MAGI1: variants seen among roughly 807,000 people sequenced by gnomAD.
MAGI1 encodes the protein membrane associated guanylate kinase, WW and PDZ domain containing 1, also known as membrane-associated guanylate kinase, WW and PDZ domain-containing protein 1.
In MAGI1, 58 loss-of-function variants were observed where a neutral mutation model predicts 139.9. The ratio of observed to expected loss-of-function variants is 0.41; its 90% CI spans 0.34 to 0.52. The LOEUF is 0.52. Among genes scored for constraint, MAGI1 ranks in the 20% least tolerant of loss-of-function variants. The probability of loss-of-function intolerance (pLI) is 0.12; values close to 1 mark genes in which losing one functional copy is unlikely to be tolerated. For missense variants in MAGI1, 1,874 were observed against 1,901.6 expected, an observed-to-expected ratio of 0.99 and a Z score of 0.27; for synonymous variants, 812 against 737.9, an observed-to-expected ratio of 1.10 and a Z score of -1.63.
At chr3:65,569,780 T>C (rs1264659495) in intron 2 of MAGI1, among the ~76,000 whole-genome samples, 2 of 151,594 alleles carry the variant, frequency 1.3e-5, no homozygotes, top group East Asian at 1.9e-4. Context: ...GGGGGGCTGA[T>C]GGGAAGATCT....
chr3:65,534,490 T>C (rs1036266714), intron 2 of MAGI1, among the ~76,000 whole-genome samples: 3 of 151,710 alleles, frequency 2.0e-5, no homozygotes, highest in African/African-American at 7.3e-5. Flanking sequence ...ACCCTGTCTC[T>C]AAAAAAGAAA....
chr3:65,366,596 A>C (rs1272279978), intron 18 of MAGI1, among the ~76,000 whole-genome samples: 2 of 152,170 alleles, frequency 1.3e-5, no homozygotes, highest in Non-Finnish European at 2.9e-5. Context: ...GTCTTATCTG[A>C]CTTTGCATTC....
chr3:65,978,043 C>T (rs765338545), intron 1 of MAGI1, among the ~76,000 whole-genome samples: 111 of 152,168 alleles, frequency 7.3e-4, no homozygotes, highest in Non-Finnish European at 1.3e-3. Context: ...TATTTTTTTC[C>T]GCATTTATTC....
chr3:65,991,292 AAAAAAAAAAAAAGGT>A (rs1373196947), intron 1 of MAGI1, among the ~76,000 whole-genome samples: 30 of 129,714 alleles, frequency 2.3e-4, no homozygotes, highest in South Asian at 1.1e-3. Context: ...TCTGTCTAAA[AAAAAAAAAAAAAGGT>A]AAAAAAAAAA....
intron 1 of MAGI1, among the ~76,000 whole-genome samples, chr3:65,701,366 T>C (rs1207684613): frequency 6.6e-6 from 1 of 152,080 alleles, no homozygotes; most frequent in Non-Finnish European, 1.5e-5. Context: ...GATTCTCCTG[T>C]TTCAGCCTCC....
At chr3:66,008,956 G>A (rs981701113) in intron 1 of MAGI1, 1 of 152,284 alleles carries the variant, frequency 6.6e-6, no homozygotes, top group Admixed American at 6.5e-5. Flanking sequence ...GAATTTTACT[G>A]AGGAAGCAGG....
At chr3:65,969,654 C>A (rs1217565868) in intron 1 of MAGI1, among the ~76,000 whole-genome samples, 1 of 152,142 alleles carries the variant, frequency 6.6e-6, no homozygotes, top group East Asian at 1.9e-4. Context: ...TGCTCTTTAC[C>A]ACTGCTATAG....
intron 1 of MAGI1, among the ~76,000 whole-genome samples, chr3:65,978,819 G>T (rs919676454): frequency 4.0e-5 from 6 of 151,842 alleles, no homozygotes; most frequent in Non-Finnish European, 8.8e-5. Flanking sequence ...TACAGACGGG[G>T]TCTCATCATG....
chr3:65,919,677 CCTTCTCTCTCT>C (rs2062078611), intron 1 of MAGI1, among the ~76,000 whole-genome samples: 1 of 84,660 alleles, frequency 1.2e-5, no homozygotes, highest in South Asian at 6.2e-4. Flanking sequence ...CATTCTCTCT[CCTTCTCTCTCT>C]CTCTCTCTCT....
intron 1 of MAGI1, among the ~76,000 whole-genome samples, chr3:65,645,344 A>C (rs1049545420): frequency 1.3e-5 from 2 of 152,140 alleles, no homozygotes; most frequent in Admixed American, 6.6e-5. Flanking sequence ...AGTGACAGTA[A>C]ATTTTTCATC....
At chr3:65,463,163 G>A (rs1435362666) in intron 5 of MAGI1, among the ~76,000 whole-genome samples, 1 of 151,960 alleles carries the variant, frequency 6.6e-6, no homozygotes, top group African/African-American at 2.4e-5. Flanking sequence ...GTAAGAGAGG[G>A]TATCCTTGTC....
At chr3:66,025,768 G>T (rs1410542206) in intron 1 of MAGI1, among the ~76,000 whole-genome samples, 7 of 151,974 alleles carry the variant, frequency 4.6e-5, no homozygotes, top group African/African-American at 1.7e-4. Context: ...TATTTCTCTG[G>T]GGTGGGATTA....
chr3:66,020,982 C>T (rs2067929824), intron 1 of MAGI1, among the ~76,000 whole-genome samples: 1 of 152,186 alleles, frequency 6.6e-6, no homozygotes, highest in Non-Finnish European at 1.5e-5. Context: ...GACACTAAAA[C>T]ATGATCTACC....
intron 1 of MAGI1, among the ~76,000 whole-genome samples, chr3:65,740,937 T>C (rs2035207744): frequency 6.6e-6 from 1 of 152,226 alleles, no homozygotes; most frequent in East Asian, 1.9e-4. Flanking sequence ...TTTATGCTTT[T>C]CTATCTTTCC....
intron 1 of MAGI1, among the ~76,000 whole-genome samples, chr3:65,820,624 T>C (rs2041897129): frequency 6.6e-6 from 1 of 152,158 alleles, no homozygotes; most frequent in Non-Finnish European, 1.5e-5. Flanking sequence ...CCCCTCAATG[T>C]AGGTGGATTA....
intron 1 of MAGI1, among the ~76,000 whole-genome samples, chr3:65,863,833 T>C (rs1204049194): frequency 6.6e-6 from 1 of 152,118 alleles, no homozygotes; most frequent in African/African-American, 2.4e-5. Flanking sequence ...AGTCCCCTCT[T>C]TTCCTACCCC....
At chr3:65,887,507 C>G (rs74409673) in intron 1 of MAGI1, among the ~76,000 whole-genome samples, 2,539 of 151,750 alleles carry the variant, frequency 0.017, 62 homozygotes, top group African/African-American at 0.059. Flanking sequence ...TTCTACTGTG[C>G]ATTAAAAAAA....
chr3:65,595,951 T>C (rs936349956), intron 2 of MAGI1, among the ~76,000 whole-genome samples: 41 of 152,120 alleles, frequency 2.7e-4, no homozygotes, highest in Admixed American at 2.2e-3. Flanking sequence ...GTTTGCTCAG[T>C]TGAGAAATGG....
chr3:65,664,462 T>A (rs1402365354), intron 1 of MAGI1, among the ~76,000 whole-genome samples: 1 of 152,144 alleles, frequency 6.6e-6, no homozygotes, highest in Non-Finnish European at 1.5e-5. Context: ...ATTGCCACAT[T>A]TTACAGACGA....
Sources: allele counts gnomAD v4.1 joint callset (sites outside exome capture counted in the v4.1 genomes callset), GRCh38; gene constraint gnomAD v4.1.1; transcripts MANE v1.5; gene names NCBI Gene and HGNC (gene_info 2026-07-23, HGNC 2026-07-21).